Variants in ZNF791 observed in about 807,000 individuals in gnomAD.
The protein encoded by ZNF791 is zinc finger protein 791.
ZNF791 carries 4 observed loss-of-function variants against 11.5 expected under a neutral mutation model. The ratio of observed to expected loss-of-function variants is 0.35; its 90% CI spans 0.17 to 0.80. The LOEUF (loss-of-function observed/expected upper bound fraction) is 0.80, where lower values mean the gene tolerates loss of function less well. ZNF791 is among the 30% of genes least tolerant of loss of function. The pLI is 0.53. For missense variants in ZNF791, 559 were observed against 699.4 expected (o/e 0.80, Z 2.26); for synonymous variants, 212 against 228.1 (o/e 0.93, Z 0.64).
At chr19:12,621,783 C>G (rs866247181) in intron 1 of ZNF791, among the ~76,000 whole-genome samples, 1 of 139,108 alleles carries the variant, frequency 7.2e-6, no homozygotes, top group Non-Finnish European at 1.6e-5. Flanking sequence ...GGTCAGCCCC[C>G]CCGCCCGGCC....
intron 1 of ZNF791, 65 bp downstream of exon 1, chr19:12,611,147 T>G: frequency 6.2e-7 from 1 of 1,605,060 alleles, no homozygotes; most frequent in South Asian, 1.1e-5. Flanking sequence ...CTCCCCACGG[T>G]CACCTCCGGC....
At chr19:12,621,813 T>G in intron 1 of ZNF791, among the ~76,000 whole-genome samples, 2 of 130,970 alleles carry the variant, frequency 1.5e-5, no homozygotes, top group Non-Finnish European at 1.6e-5. Flanking sequence ...GTCCGGGAGG[T>G]GAGGGGCGCC....
At chr19:12,611,378 C>T (rs1000362989) in intron 1 of ZNF791, among the ~76,000 whole-genome samples, 12 of 152,150 alleles carry the variant, frequency 7.9e-5, no homozygotes, top group African/African-American at 2.9e-4. Flanking sequence ...TTCCCAGTCC[C>T]TTCTTTCTTC....
chr19:12,612,157 T>C, intron 1 of ZNF791: 2 of 906,860 alleles, frequency 2.2e-6, no homozygotes, highest in Non-Finnish European at 2.6e-6. Context: ...AGTAATACTT[T>C]TGTAAACTAT....
In ZNF791 at chr19:12,631,883, A is replaced by G. The variant is rs2023505476; in HGVS notation, c.*2623A>G. 6.6e-6 allele frequency: 1 copy of G among 152,212 alleles called. No homozygotes were observed. The highest frequency in any genetic ancestry group is 2.1e-4 in the South Asian group (1 of 4,836). 9.4% of individuals were successfully genotyped at this position (152,212 alleles called of 1,614,324 possible). A position where few individuals can be genotyped will look rare whatever the true frequency, so the allele number is the denominator to read the frequency against. ...CTTTAAGCAGTGGTCAAAAGTTTAA[A>G]AGGTTGTGTTTTCTCATTAAATCAG... On this transcript the variant is annotated 3_prime_UTR_variant, in exon 4 of 4. Coordinates refer to ENST00000343325, the MANE Select transcript of ZNF791 (RefSeq NM_153358.3).
chr19:12,620,823 C>T (rs996448326), intron 1 of ZNF791, among the ~76,000 whole-genome samples: 4 of 129,114 alleles, frequency 3.1e-5, no homozygotes, highest in East Asian at 2.2e-4. Flanking sequence ...TGCAGTGGTG[C>T]GATCTTGGCT....
At position 12,611,033 on chromosome 19, in the gene ZNF791, C is replaced by G. The variant is rs895274528; in HGVS notation, c.-47C>G. On this transcript the variant is annotated 5_prime_UTR_variant, in exon 1 of 4. Transcript: ENST00000343325. ...TCGGATGCGCTGTACCCTGCGCTGG[C>G]TCCGTGAACCTTAGGGACAACACCG... The G allele has an allele frequency of 9.3e-6, 15 of 1,613,862 alleles. No homozygotes were observed. In the East Asian group the frequency reaches 3.1e-4, roughly 34 times the overall value.
Position 12,625,048 on chromosome 19 carries a change from T to C in ZNF791, c.191+338T>C, listed in dbSNP as rs112868594. Among the ~76,000 whole-genome samples the C allele has an allele frequency of 7.9e-3, 1,190 of 150,234 alleles. 13 individuals carry two copies. Among genetic ancestry groups the C allele is most frequent in the African/African-American group, 0.027 (1,111 of 40,996 alleles). On this transcript the variant is annotated intron_variant, in intron 3 of 3. Coordinates refer to ENST00000343325, the MANE Select transcript of ZNF791 (RefSeq NM_153358.3). ...CTGGGCAACAGAGCGAGACTCTGTCTCAAAAAAAAAAAGAAGTTGTGACAC... is the reference window on the plus strand; with the variant it reads ...CTGGGCAACAGAGCGAGACTCTGTCCCAAAAAAAAAAAGAAGTTGTGACAC...
intron 1 of ZNF791, chr19:12,612,410 C>CT (rs759342780): frequency 6.9e-6 from 1 of 143,960 alleles, no homozygotes; most frequent in Non-Finnish European, 1.5e-5. Flanking sequence ...TGCTTCCTTC[C>CT]TTTATTTATT....
At chr19:12,623,487 G>T in intron 1 of ZNF791, 2 of 552,334 alleles carry the variant, frequency 3.6e-6, no homozygotes, top group Non-Finnish European at 6.2e-6. Flanking sequence ...AGTTGAACTA[G>T]ATACTACCAT....
At chr19:12,622,522 A>G (rs1462396244) in intron 1 of ZNF791, among the ~76,000 whole-genome samples, 2 of 151,182 alleles carry the variant, frequency 1.3e-5, no homozygotes, top group Non-Finnish European at 2.9e-5. Flanking sequence ...GGTTATTCAT[A>G]CCTGTTATCA....
At position 12,611,032 on chromosome 19, in the gene ZNF791, G is replaced by T. The variant is rs754073869; in HGVS notation, c.-48G>T. ...ATCGGATGCGCTGTACCCTGCGCTGGCTCCGTGAACCTTAGGGACAACACC... is the reference window on the plus strand; with the variant it reads ...ATCGGATGCGCTGTACCCTGCGCTGTCTCCGTGAACCTTAGGGACAACACC... On this transcript the variant is annotated 5_prime_UTR_variant, in exon 1 of 4. Transcript: ENST00000343325. The T allele has an allele frequency of 1.9e-6, 3 of 1,613,866 alleles. No homozygotes were observed. The highest frequency in any genetic ancestry group is 2.2e-5 in the East Asian group (1 of 44,892).
chr19:12,621,205 A>G (rs1283417734), intron 1 of ZNF791, among the ~76,000 whole-genome samples: 1 of 152,160 alleles, frequency 6.6e-6, no homozygotes, highest in Non-Finnish European at 1.5e-5. Flanking sequence ...AGCCCAGATG[A>G]CATGATTATG....
intron 1 of ZNF791, among the ~76,000 whole-genome samples, chr19:12,622,482 T>A (rs1475815747): frequency 7.1e-6 from 1 of 141,224 alleles, no homozygotes; most frequent in African/African-American, 2.6e-5. Context: ...ATGATTTGGG[T>A]AATAAGAAAT....
At chr19:12,612,738 CA>C (rs1436929439) in intron 1 of ZNF791, among the ~76,000 whole-genome samples, 1 of 150,442 alleles carries the variant, frequency 6.6e-6, no homozygotes, top group African/African-American at 2.4e-5. Flanking sequence ...GGATTACAGG[CA>C]TGAGCCACCA....
chr19:12,632,138 A>AT lies in ZNF791; in HGVS notation c.*2883dup, dbSNP rs2023508800. On this transcript the variant is annotated 3_prime_UTR_variant, in exon 4 of 4. Transcript: ENST00000343325. ...ACCATGCCCAGCTAATTTTTTTTGT[A>AT]TTTTTAGTAGAGATGGGGTTTCACC... 1 of 151,232 alleles carries AT rather than the reference A, an allele frequency of 6.6e-6. No individual in the cohort carries two copies. The highest frequency in any genetic ancestry group is 1.5e-5 in the Non-Finnish European group (1 of 67,862). The allele number at this position is 151,232 out of a possible 1,614,324, so 9.4% of individuals were successfully genotyped here.
At position 12,633,422 on chromosome 19, in the gene ZNF791, C is replaced by G. The variant is rs2023522958; in HGVS notation, c.*4162C>G. The G allele has an allele frequency of 2.0e-5, 3 of 152,090 alleles. No individual in the cohort carries two copies. In the South Asian group the frequency reaches 6.2e-4, roughly 32 times the overall value. 9.4% of individuals were successfully genotyped at this position (152,090 alleles called of 1,614,324 possible). On this transcript the variant is annotated 3_prime_UTR_variant, in exon 4 of 4. Coordinates refer to ENST00000343325, the MANE Select transcript of ZNF791 (RefSeq NM_153358.3). ...ATAGCCTCACTTGCATGAGATTTGC[C>G]AGGCAGAAGTGAAGAAGACATTAGT...
rs1034771935 is a variant in ZNF791, at chr19:12,631,190, A to G, written c.*1930A>G. On this transcript the variant is annotated 3_prime_UTR_variant, in exon 4 of 4. Coordinates refer to ENST00000343325, the MANE Select transcript of ZNF791 (RefSeq NM_153358.3). ...CATAAATACTTAACATTTTGTTACA[A>G]TTTCCTACAGTGTTCAGTACAACAA... 4 of 152,170 alleles carry G rather than the reference A, an allele frequency of 2.6e-5. No individual in the cohort carries two copies. Among genetic ancestry groups the G allele is most frequent in the Admixed American group, 2.6e-4 (4 of 15,252 alleles). 9.4% of individuals were successfully genotyped at this position (152,170 alleles called of 1,614,324 possible).
At chr19:12,615,891 T>C (rs1319469948) in intron 1 of ZNF791, among the ~76,000 whole-genome samples, 1 of 152,036 alleles carries the variant, frequency 6.6e-6, no homozygotes, top group African/African-American at 2.4e-5. Context: ...CTCCTGTAAA[T>C]ATTCATGGGC....
Sources: allele counts gnomAD v4.1 joint callset (sites outside exome capture counted in the v4.1 genomes callset), GRCh38; gene constraint gnomAD v4.1.1; transcripts MANE v1.5; gene names NCBI Gene and HGNC (gene_info 2026-07-23, HGNC 2026-07-21).